Variants in KPNA3 observed in about 807,000 individuals in gnomAD.
The protein encoded by KPNA3 is importin subunit alpha-4.
A neutral mutation model predicts 73.8 loss-of-function variants in KPNA3; 13 were observed. That is an observed-to-expected ratio of 0.18 (90% confidence interval 0.11 to 0.28). The LOEUF (loss-of-function observed/expected upper bound fraction) is 0.28. Among genes scored for constraint, KPNA3 ranks in the 10% least tolerant of loss-of-function variants. The pLI is 1.00. For synonymous variants in KPNA3, 186 were observed against 206.9 expected, an observed-to-expected ratio of 0.90 and a Z score of 0.87; for missense variants, 360 against 618.1, an observed-to-expected ratio of 0.58 and a Z score of 4.43.
chr13:49,765,165 C>T (rs985111548), intron 1 of KPNA3, among the ~76,000 whole-genome samples: 6 of 152,170 alleles, frequency 3.9e-5, no homozygotes, highest in Admixed American at 2.6e-4. Context: ...GTATTAATAA[C>T]TCTGGATAAT....
intron 1 of KPNA3, among the ~76,000 whole-genome samples, chr13:49,773,574 T>C (rs9646001): frequency 0.3 from 45,356 of 152,020 alleles, 7,017 homozygotes; most frequent in Non-Finnish European, 0.34. Context: ...AGTCAAAAAC[T>C]AATAAACCTT....
At chr13:49,731,759 A>C (rs1360729029) in intron 6 of KPNA3, among the ~76,000 whole-genome samples, 1 of 152,214 alleles carries the variant, frequency 6.6e-6, no homozygotes, top group African/African-American at 2.4e-5. Flanking sequence ...CAGCACTGAG[A>C]TATCACTAAA....
At chr13:49,734,817 G>C (rs1227770952) in intron 2 of KPNA3, among the ~76,000 whole-genome samples, 1 of 151,652 alleles carries the variant, frequency 6.6e-6, no homozygotes, top group Non-Finnish European at 1.5e-5. Flanking sequence ...ATCTCTTCTT[G>C]TGTTTATTCA....
At chr13:49,711,678 A>T (rs1481841084) in intron 10 of KPNA3, among the ~76,000 whole-genome samples, 1 of 152,160 alleles carries the variant, frequency 6.6e-6, no homozygotes, top group East Asian at 1.9e-4. Flanking sequence ...TTCAAGGTCA[A>T]AGATCTTGTA....
chr13:49,759,286 A>T (rs1424851467), intron 1 of KPNA3, among the ~76,000 whole-genome samples: 1 of 152,218 alleles, frequency 6.6e-6, no homozygotes, highest in African/African-American at 2.4e-5. Context: ...ATCATGGGGT[A>T]ATCTAACCAA....
At chr13:49,721,594 C>T (rs1053981279) in intron 9 of KPNA3, among the ~76,000 whole-genome samples, 141 of 152,174 alleles carry the variant, frequency 9.3e-4, no homozygotes, top group African/African-American at 3.3e-3. Flanking sequence ...CCGAGGCGGG[C>T]AGATCACGAG....
chr13:49,792,241 G>A (rs1955040012), intron 1 of KPNA3, among the ~76,000 whole-genome samples, 197 bp downstream of exon 1: 1 of 151,602 alleles, frequency 6.6e-6, no homozygotes, highest in Admixed American at 6.6e-5. Context: ...CGCGCCGGCA[G>A]CTCCGGGGGG....
At chr13:49,728,739 G>C (rs1277904058) in intron 6 of KPNA3, among the ~76,000 whole-genome samples, 1 of 152,134 alleles carries the variant, frequency 6.6e-6, no homozygotes, top group Non-Finnish European at 1.5e-5. Flanking sequence ...CTTATTATGA[G>C]AGTGTTTTGA....
At position 49,770,758 on chromosome 13, in the gene KPNA3, G is replaced by GAA. The variant is rs35108032; in HGVS notation, c.69+21678_69+21679dup. ...TGGATAGTCATTTGTTCCATTTGTT[G>GAA]AAAAAAAAAAACTATTCCTTCCTTG... On this transcript the variant is annotated intron_variant, in intron 1 of 16. Transcript: ENST00000261667. Among the ~76,000 whole-genome samples the GAA allele has an allele frequency of 1.4e-3, 162 of 115,630 alleles. 1 individual carries two copies. The highest frequency in any genetic ancestry group is 6.6e-3 in the South Asian group (23 of 3,462). The allele number at this position is 115,630 out of a possible 152,430, so 75.9% of individuals were successfully genotyped here. A position where few individuals can be genotyped will look rare whatever the true frequency, so the allele number is the denominator to read the frequency against.
chr13:49,780,344 T>G (rs1954931221), intron 1 of KPNA3, among the ~76,000 whole-genome samples: 2 of 152,158 alleles, frequency 1.3e-5, no homozygotes. Flanking sequence ...TAAAAAATAT[T>G]ATGGCTCTTT....
chr13:49,751,839 T>A (rs1249553836), intron 1 of KPNA3, among the ~76,000 whole-genome samples: 1 of 152,022 alleles, frequency 6.6e-6, no homozygotes, highest in African/African-American at 2.4e-5. Context: ...GCCCAGGAGG[T>A]CAAGGCTGCA....
chr13:49,759,422 G>C (rs1460519032), intron 1 of KPNA3, among the ~76,000 whole-genome samples: 1 of 152,032 alleles, frequency 6.6e-6, no homozygotes, highest in African/African-American at 2.4e-5. Context: ...TAGAAGGAGT[G>C]GTTTCAGGAT....
chr13:49,768,194 G>A (rs557600186), intron 1 of KPNA3, among the ~76,000 whole-genome samples: 122 of 149,878 alleles, frequency 8.1e-4, no homozygotes, highest in Non-Finnish European at 1.3e-3. Flanking sequence ...CAGGAAAATC[G>A]CTTGAACCTG....
chr13:49,789,310 T>C (rs777896695), intron 1 of KPNA3, among the ~76,000 whole-genome samples: 8 of 152,214 alleles, frequency 5.3e-5, no homozygotes, highest in African/African-American at 9.7e-5. Context: ...CCTTTTAAGT[T>C]TGGTACATAT....
intron 6 of KPNA3, among the ~76,000 whole-genome samples, chr13:49,729,225 T>A (rs1954439004): frequency 6.6e-6 from 1 of 151,966 alleles, no homozygotes; most frequent in African/African-American, 2.4e-5. Context: ...AGGCAGGAAA[T>A]AAGATGGTAT....
intron 16 of KPNA3, 144 bp from the exon 17 acceptor site, chr13:49,702,042 A>G (rs1954153328): frequency 5.0e-6 from 3 of 595,260 alleles, no homozygotes; most frequent in Non-Finnish European, 8.8e-6. Context: ...CAATAATTTT[A>G]TTAAGAAATT....
At chr13:49,718,573 T>C (rs1954326185) in intron 10 of KPNA3, among the ~76,000 whole-genome samples, 1 of 152,216 alleles carries the variant, frequency 6.6e-6, no homozygotes, top group South Asian at 2.1e-4. Context: ...TCAGAAAGCT[T>C]ACAACTAAAC....
intron 1 of KPNA3, among the ~76,000 whole-genome samples, chr13:49,763,902 A>C (rs1954788472): frequency 6.6e-6 from 1 of 152,156 alleles, no homozygotes; most frequent in South Asian, 2.1e-4. Flanking sequence ...CATCTCTACA[A>C]AAAGATTTTT....
chr13:49,782,621 G>T (rs1268779743), intron 1 of KPNA3, among the ~76,000 whole-genome samples: 1 of 152,150 alleles, frequency 6.6e-6, no homozygotes, highest in Non-Finnish European at 1.5e-5. Flanking sequence ...GCTCATGCCT[G>T]TAATCCCAGC....
Sources: allele counts gnomAD v4.1 joint callset (sites outside exome capture counted in the v4.1 genomes callset), GRCh38; gene constraint gnomAD v4.1.1; transcripts MANE v1.5; gene names NCBI Gene and HGNC (gene_info 2026-07-23, HGNC 2026-07-21).